PTPRF: variants seen among roughly 807,000 people sequenced by gnomAD.
PTPRF encodes the protein protein tyrosine phosphatase receptor type F.
Under a neutral mutation model 201.8 loss-of-function variants are expected in PTPRF, and 59 were observed. That is an observed-to-expected ratio of 0.29 (90% CI 0.24 to 0.36). PTPRF has a LOEUF of 0.36. Ranked by LOEUF, PTPRF falls within the 10% of genes least tolerant of loss-of-function variation. The pLI is 1.00. For missense variants in PTPRF, 2,132 were observed against 2,690.5 expected (o/e 0.79, Z 4.59); for synonymous variants, 1,088 against 1,089.7 (o/e 1.00, Z 0.03).
At position 43,606,320 on chromosome 1, in the gene PTPRF, T is replaced by G. The variant is rs1182671248; in HGVS notation, c.3564T>G (p.Ala1188=). 3.1e-6 allele frequency: 5 copies of G among 1,614,054 alleles called. No individual in the cohort carries two copies. The highest frequency in any genetic ancestry group is 4.2e-6 in the Non-Finnish European group (5 of 1,180,032). ...RQAERLKPYV[A]AQLDVLPETF... ...CAGAACGTCTGAAGCCATATGTGGC[T>G]GCTCAACTGGATGTGCTCCCGGAGA... Residue 1188 remains alanine, a synonymous_variant, in exon 20 of 34, where the codon GCT becomes GCG. Coordinates refer to ENST00000359947, the MANE Select transcript of PTPRF (RefSeq NM_002840.5).
chr1:43,602,044 C>G lies in PTPRF; in HGVS notation c.2314-27C>G, dbSNP rs771796543. 1.9e-6 allele frequency: 3 copies of G among 1,609,410 alleles called. No homozygotes were observed. In the East Asian group the frequency reaches 6.7e-5, roughly 36 times the overall value. ...GTCAGAGTCCTTCACCATCCTGTCT[C>G]CCTTTCTCTCCCTCTCCCGCGGTCA... On this transcript the variant is annotated intron_variant, in intron 13 of 33. Transcript: ENST00000359947.
In PTPRF at chr1:43,545,092, C is replaced by A. The variant is rs766928002; in HGVS notation, c.17C>A (p.Ala6Asp). 3.0e-5 allele frequency: 47 copies of A among 1,582,332 alleles called. No individual in the cohort carries two copies. The highest frequency in any genetic ancestry group is 4.0e-5 in the Non-Finnish European group (47 of 1,163,848). ...GAGCCCTGGATGGCCCCTGAGCCAG[C>A]CCCAGGGAGGACGATGGTGCCCCTT... MAPEP[A>D]PGRTMVPLVP... Residue 6 changes from alanine to aspartate, a missense_variant, in exon 3 of 34, where the codon GCC becomes GAC. Physicochemically the swap from Ala to Asp is moderately radical, Grantham distance 126. Coordinates refer to ENST00000359947, the MANE Select transcript of PTPRF (RefSeq NM_002840.5).
chr1:43,612,581 G>A lies in PTPRF; in HGVS notation c.3974-1037G>A, dbSNP rs540447718. 8.9e-4 allele frequency among the ~76,000 whole-genome samples: 135 copies of A among 152,230 alleles called. 1 individual carries two copies. The highest frequency in any genetic ancestry group is 3.1e-3 in the African/African-American group (127 of 41,520). On this transcript the variant is annotated intron_variant, in intron 22 of 33. Coordinates refer to ENST00000359947, the MANE Select transcript of PTPRF (RefSeq NM_002840.5). ...AGTCTGTATTAACTGGGAGACAGAA[G>A]GAGCCTTGACGGAACTTGTCCGCAG...
chr1:43,560,870 T>G (rs1645759655), intron 5 of PTPRF, among the ~76,000 whole-genome samples: 1 of 152,158 alleles, frequency 6.6e-6, no homozygotes, highest in African/African-American at 2.4e-5. Flanking sequence ...CCCTTCTGTC[T>G]GTTCCCACCT....
intron 7 of PTPRF, among the ~76,000 whole-genome samples, chr1:43,587,253 C>T (rs545126251): frequency 2.6e-5 from 4 of 152,266 alleles, no homozygotes; most frequent in Non-Finnish European, 4.4e-5. Context: ...GTGGAGGGCC[C>T]GTGAGCAGGA....
chr1:43,563,119 A>C (rs1569973043), intron 5 of PTPRF, among the ~76,000 whole-genome samples: 1 of 151,512 alleles, frequency 6.6e-6, no homozygotes, highest in South Asian at 2.1e-4. Flanking sequence ...CAGAGGTTGC[A>C]GTGATATGAG....
In PTPRF at chr1:43,552,484, T is replaced by C. The variant is rs189649599; in HGVS notation, c.92-1008T>C. 1.9e-3 allele frequency among the ~76,000 whole-genome samples: 290 copies of C among 152,282 alleles called. 3 individuals carry two copies. The highest frequency in any genetic ancestry group is 6.5e-3 in the African/African-American group (272 of 41,552). On this transcript the variant is annotated intron_variant, in intron 3 of 33. Coordinates refer to ENST00000359947, the MANE Select transcript of PTPRF (RefSeq NM_002840.5). ...TGCAGAGTGGGTGCTTGGCAAAGGA[T>C]TGTCATCATCGCACACGTTTCTGTG... is the stretch of plus-strand genomic sequence containing the variant.
chr1:43,613,757 T>C, intron 23 of PTPRF, 42 bp downstream of exon 23: 4 of 1,534,426 alleles, frequency 2.6e-6, no homozygotes, highest in Non-Finnish European at 3.6e-6. Context: ...GGCCCAGGCC[T>C]ACCCAAACCA....
Position 43,591,903 on chromosome 1 carries a change from C to A in PTPRF, c.1623C>A (p.Ile541=). 2 of 1,613,596 alleles carry A rather than the reference C, an allele frequency of 1.2e-6. No individual in the cohort carries two copies. The highest frequency in any genetic ancestry group is 1.7e-6 in the Non-Finnish European group (2 of 1,180,006). The change falls in exon 10 of 34, where the codon ATC becomes ATA. Residue 541 remains isoleucine (I), a synonymous_variant. Coordinates refer to ENST00000359947, the MANE Select transcript of PTPRF (RefSeq NM_002840.5). ...SWLLPPQERI[I]MYELVYWAAE... ...TGCTGCCCCCTCAGGAGCGGATCAT[C>A]ATGTATGAACTGGTGTACTGGGCGG...
At chr1:43,602,163 T>C in intron 14 of PTPRF, 66 bp downstream of exon 14, 2 of 1,536,398 alleles carry the variant, frequency 1.3e-6, no homozygotes, top group Non-Finnish European at 1.8e-6. Flanking sequence ...ACGCTCCTCC[T>C]CTCCCTCCTT....
intron 5 of PTPRF, among the ~76,000 whole-genome samples, chr1:43,555,735 C>T (rs942920664): frequency 7.2e-5 from 11 of 152,178 alleles, no homozygotes; most frequent in African/African-American, 2.4e-4. Context: ...TGAGCCACCA[C>T]GTCCAGCCTG....
intron 7 of PTPRF, among the ~76,000 whole-genome samples, chr1:43,583,785 C>T (rs1648379602): frequency 6.6e-6 from 1 of 152,164 alleles, no homozygotes; most frequent in African/African-American, 2.4e-5. Context: ...TTTCCTTCTC[C>T]AGCCAGATCC....
chr1:43,548,983 A>G (rs1247238954), intron 3 of PTPRF, among the ~76,000 whole-genome samples: 1 of 152,172 alleles, frequency 6.6e-6, no homozygotes, highest in African/African-American at 2.4e-5. Context: ...TCCTCCAGCC[A>G]GTTCCACTTA....
At position 43,556,856 on chromosome 1, in the gene PTPRF, C is replaced by T. The variant is rs565760468; in HGVS notation, c.379+2915C>T. Among the ~76,000 whole-genome samples, 5 of 152,330 alleles carry T rather than the reference C, an allele frequency of 3.3e-5. No homozygotes were observed. In the South Asian group the frequency reaches 6.2e-4, roughly 19 times the overall value. ...ACGTGAGCTGAAGGTGGTTGGCCTC[C>T]GTGCTGCGTGGCATCATCCGGGTGA... On this transcript the variant is annotated intron_variant, in intron 5 of 33. Transcript: ENST00000359947.
Position 43,619,352 on chromosome 1 carries a change from G to A in PTPRF, c.4711G>A (p.Glu1571Lys), listed in dbSNP as rs908518826. The change falls in exon 28 of 34, where the codon GAG (glutamate) becomes AAG (lysine). Residue 1571 changes from glutamate (E) to lysine (K), a missense_variant. Glu to Lys is a moderately conservative substitution (Grantham distance 56). This residue lies in a region of PTPRF where 519 missense variants were observed against 659.5 expected (regional missense o/e 0.79). Coordinates refer to ENST00000359947, the MANE Select transcript of PTPRF (RefSeq NM_002840.5). The stretch of plus-strand genomic sequence containing the variant: ...TGCCATGTTGGAGCGGATGAAGCAC[G>A]AGAAGACGGTGGACATCTATGGCCA... The part of the protein sequence containing the change: ...IDAMLERMKH[E>K]KTVDIYGHVT... The A allele has an allele frequency of 2.5e-6, 4 of 1,613,984 alleles. No homozygotes were observed. The highest frequency in any genetic ancestry group is 1.7e-6 in the Non-Finnish European group (2 of 1,180,022).
intron 2 of PTPRF, among the ~76,000 whole-genome samples, chr1:43,539,041 T>C (rs1487434954): frequency 6.6e-6 from 1 of 152,242 alleles, no homozygotes; most frequent in Non-Finnish European, 1.5e-5. Flanking sequence ...CACGGAACAC[T>C]GTCTGAATGC....
At chr1:43,545,555 A>G (rs1439310433) in intron 3 of PTPRF, among the ~76,000 whole-genome samples, 1 of 152,122 alleles carries the variant, frequency 6.6e-6, no homozygotes, top group Non-Finnish European at 1.5e-5. Context: ...CACGCAGGGC[A>G]TGCGTATGGA....
chr1:43,545,642 C>T (rs1186928376), intron 3 of PTPRF, among the ~76,000 whole-genome samples: 2 of 152,130 alleles, frequency 1.3e-5, no homozygotes, highest in Non-Finnish European at 2.9e-5. Flanking sequence ...TCTTCCCCTA[C>T]GCTGGACCCT....
intron 3 of PTPRF, among the ~76,000 whole-genome samples, chr1:43,552,181 T>A (rs900772166): frequency 3.9e-5 from 6 of 152,208 alleles, no homozygotes; most frequent in Non-Finnish European, 8.8e-5. Flanking sequence ...TATAGTCACC[T>A]GTACTTCCCT....
Sources: gnomAD v4.1 joint callset for allele counts (sites outside exome capture counted in the v4.1 genomes callset) on GRCh38, gnomAD v4.1.1 for gene constraint, gnomAD v4.1.1 regional missense constraint, MANE v1.5 for transcripts, NCBI Gene and HGNC (gene_info 2026-07-23, HGNC 2026-07-21) for gene names.